Variants in HIVEP1 observed in about 807,000 individuals in gnomAD.
HIVEP1 encodes the protein HIVEP zinc finger 1.
Under a neutral mutation model 180.0 loss-of-function variants are expected in HIVEP1, and 36 were observed. The observed-to-expected ratio is 0.20, with a 90% CI of 0.15 to 0.26. The LOEUF is 0.26. Ranked by LOEUF, HIVEP1 falls within the 10% of genes least tolerant of loss-of-function variation. The pLI, the probability that HIVEP1 is intolerant of heterozygous loss-of-function variation, is 1.00. For missense variants in HIVEP1, 3,143 were observed against 3,268.7 expected (o/e 0.96, Z 0.94); for synonymous variants, 1,239 against 1,239.0 (o/e 1.00, Z 0.00).
At chr6:12,140,264 G>T (rs941249258) in intron 7 of HIVEP1, among the ~76,000 whole-genome samples, 2 of 152,234 alleles carry the variant, frequency 1.3e-5, no homozygotes, top group African/African-American at 4.8e-5. Flanking sequence ...ATGTGCAGCT[G>T]AGGGACCTGA....
At chr6:12,147,960 G>C (rs1251533559) in intron 7 of HIVEP1, among the ~76,000 whole-genome samples, 1 of 152,122 alleles carries the variant, frequency 6.6e-6, no homozygotes, top group Non-Finnish European at 1.5e-5. Flanking sequence ...GATGAGGCCT[G>C]TACTTGTCCT....
rs1230303701 is a variant in HIVEP1 at position 12,123,095 on chromosome 6, T to G, written c.3300T>G (p.Pro1100=). The change falls in exon 4 of 9, where the codon CCT becomes CCG. Residue 1100 remains proline, a synonymous_variant. Coordinates refer to ENST00000379388, the MANE Select transcript of HIVEP1 (RefSeq NM_002114.4). ...ATATTCACCTTGTTGCCAGGGGCCCTGAGCAGACCATGGATCCCAAGCTGT... is the reference window on the plus strand; with the variant it reads ...ATATTCACCTTGTTGCCAGGGGCCCGGAGCAGACCATGGATCCCAAGCTGT... The part of the protein sequence containing the change: ...NSHIHLVARG[P]EQTMDPKLST... 1 of 1,614,064 alleles carries G rather than the reference T, an allele frequency of 6.2e-7. No homozygotes were observed. Among genetic ancestry groups the G allele is most frequent in the African/African-American group, 1.3e-5 (1 of 74,924 alleles).
chr6:12,183,065 A>C, the HIVEP1 span, among the ~76,000 whole-genome samples: 2 of 152,220 alleles, frequency 1.3e-5, no homozygotes, highest in Admixed American at 1.3e-4. Context: ...GGACATTTAA[A>C]GGGAGAAAAC....
intron 7 of HIVEP1, among the ~76,000 whole-genome samples, chr6:12,152,511 A>G (rs891950857): frequency 6.6e-6 from 1 of 152,202 alleles, no homozygotes; most frequent in Non-Finnish European, 1.5e-5. Context: ...TTTTGGTGCC[A>G]TGGATGTTTA....
intron 3 of HIVEP1, among the ~76,000 whole-genome samples, chr6:12,113,253 C>T (rs1034037241): frequency 6.6e-6 from 1 of 150,514 alleles, no homozygotes; most frequent in African/African-American, 2.5e-5. Flanking sequence ...ACAGGGACAC[C>T]GACCTTAGGT....
intron 2 of HIVEP1, among the ~76,000 whole-genome samples, chr6:12,088,674 T>C (rs1293549895): frequency 6.6e-6 from 1 of 152,152 alleles, no homozygotes; most frequent in East Asian, 1.9e-4. Flanking sequence ...ACTTCATAGA[T>C]GCTGTCAGCT....
intron 3 of HIVEP1, among the ~76,000 whole-genome samples, chr6:12,107,784 C>T (rs1469798455): frequency 6.6e-6 from 1 of 152,196 alleles, no homozygotes; most frequent in Non-Finnish European, 1.5e-5. Flanking sequence ...GTTGCCACTG[C>T]TGGCTCGGGC....
At chr6:12,074,278 CT>C (rs1441608422) in intron 2 of HIVEP1, among the ~76,000 whole-genome samples, 3 of 152,010 alleles carry the variant, frequency 2.0e-5, no homozygotes, top group Non-Finnish European at 4.4e-5. Context: ...CCTGTCTACT[CT>C]CTTCCACTCT....
chr6:12,167,640 C>CATGTTATGTTACATGTAT, downstream of HIVEP1, among the ~76,000 whole-genome samples: 1 of 95,756 alleles, frequency 1.0e-5, no homozygotes, highest in South Asian at 3.1e-4. Context: ...GTTATATATA[C>CATGTTATGTTACATGTAT]ATATACATAT....
At chr6:12,117,471 C>G (rs1029047060) in intron 3 of HIVEP1, among the ~76,000 whole-genome samples, 2 of 152,142 alleles carry the variant, frequency 1.3e-5, no homozygotes, top group African/African-American at 4.8e-5. Flanking sequence ...TTAAGTTTAG[C>G]AATTCCTTTA....
chr6:12,025,299 A>AT (rs759655455), intron 2 of HIVEP1, among the ~76,000 whole-genome samples: 9 of 152,202 alleles, frequency 5.9e-5, no homozygotes, highest in Non-Finnish European at 1.2e-4. Context: ...GGAGGTCAGA[A>AT]TTTGAAGGAT....
intron 2 of HIVEP1, among the ~76,000 whole-genome samples, chr6:12,039,868 C>T (rs1343386665): frequency 6.6e-6 from 1 of 152,132 alleles, no homozygotes; most frequent in East Asian, 1.9e-4. Flanking sequence ...ATGCTGCCTC[C>T]ACAGGGAGCA....
chr6:12,044,395 T>C (rs1249512728), intron 2 of HIVEP1, among the ~76,000 whole-genome samples: 2 of 152,228 alleles, frequency 1.3e-5, no homozygotes, highest in African/African-American at 4.8e-5. Context: ...GTTTTTTTTG[T>C]TGGCACCAAA....
chr6:12,119,116 T>C (rs1775407860), intron 3 of HIVEP1, among the ~76,000 whole-genome samples: 1 of 152,200 alleles, frequency 6.6e-6, no homozygotes, highest in Non-Finnish European at 1.5e-5. Flanking sequence ...GAGAGAAAGA[T>C]TAATGGCAAG....
Position 12,164,194 on chromosome 6 carries a change from G to C in HIVEP1, c.7890G>C (p.Leu2630=). ...GTGACCATGCAAGGCTTGATGGCCT[G>C]AGTAAAATGGACACAGAGAAGGCTG... ...PAGDHARLDG[L]SKMDTEKAAS... is the part of the protein sequence containing the mutation. Residue 2630 remains leucine (L), a synonymous_variant, in exon 9 of 9, where the codon CTG becomes CTC. Coordinates refer to ENST00000379388, the MANE Select transcript of HIVEP1 (RefSeq NM_002114.4). 3 of 1,614,186 alleles carry C rather than the reference G, an allele frequency of 1.9e-6. No individual in the cohort carries two copies. Among genetic ancestry groups the C allele is most frequent in the Non-Finnish European group, 2.5e-6 (3 of 1,180,040 alleles).
rs1323480583 is a variant in HIVEP1 at position 12,063,839 on chromosome 6, G to T, written c.41-25345G>T. On this transcript the variant is annotated intron_variant, in intron 2 of 8. Transcript: ENST00000379388. The surrounding 1 kb of genome is among the most constrained non-coding windows in gnomAD (Gnocchi z 4.2). ...ATGAGATTCACATATGTTTCTTAGT[G>T]GTAAAAATCATTGCATGTCCTAGAC... Among the ~76,000 whole-genome samples the T allele has an allele frequency of 6.6e-6, 1 of 152,152 alleles. No homozygotes were observed. The highest frequency in any genetic ancestry group is 2.4e-5 in the African/African-American group (1 of 41,422).
chr6:12,014,327 C>T (rs1257090337), intron 1 of HIVEP1, among the ~76,000 whole-genome samples: 1 of 152,156 alleles, frequency 6.6e-6, no homozygotes, highest in Non-Finnish European at 1.5e-5. Context: ...CTGAGTCATG[C>T]AGTACCACAT....
chr6:12,012,613 G>A (rs1272914667), intron 1 of HIVEP1, 47 bp downstream of exon 1: 3 of 126,906 alleles, frequency 2.4e-5, no homozygotes, highest in Non-Finnish European at 5.2e-5. Context: ...GGGGAGGGCG[G>A]CGGGGCGGAG....
rs1757609215 is a variant in HIVEP1, at chr6:12,120,987, CAGA to C, written c.1195_1197del (p.Lys399del). ...AATGTGCAATCTTCTTCTGAAAGAT[CAGA>C]AGCCAAAAAAACAAGGAAAATATAT... On this transcript the variant is annotated inframe_deletion, in exon 4 of 9. Coordinates refer to ENST00000379388, the MANE Select transcript of HIVEP1 (RefSeq NM_002114.4). The C allele has an allele frequency of 1.2e-6, 2 of 1,613,788 alleles. No individual in the cohort carries two copies. Among genetic ancestry groups the C allele is most frequent in the Non-Finnish European group, 1.7e-6 (2 of 1,179,938 alleles).
Sources: gnomAD v4.1 joint callset for allele counts (sites outside exome capture counted in the v4.1 genomes callset) on GRCh38, gnomAD v4.1.1 for gene constraint, Gnocchi (gnomAD v3.1) non-coding constraint, MANE v1.5 for transcripts, NCBI Gene and HGNC (gene_info 2026-07-23, HGNC 2026-07-21) for gene names.